The following TMEM8B variants were observed in gnomAD, a reference collection of about 807,000 sequenced individuals.
The protein encoded by TMEM8B is transmembrane protein 8B.
TMEM8B carries 29 observed loss-of-function variants against 49.3 expected under a neutral mutation model. The ratio of observed to expected loss-of-function variants is 0.59; its 90% CI spans 0.44 to 0.80. TMEM8B has a LOEUF of 0.80. Among genes scored for constraint, TMEM8B ranks in the 30% least tolerant of loss-of-function variants. TMEM8B has a pLI of 0.00. For synonymous variants in TMEM8B, 264 were observed against 272.8 expected, an observed-to-expected ratio of 0.97 and a Z score of 0.32; for missense variants, 575 against 658.5, an observed-to-expected ratio of 0.87 and a Z score of 1.39.
In TMEM8B at chr9:35,836,978, C is replaced by T. The variant is rs192002936; in HGVS notation, c.906+1760C>T. On this transcript the variant is annotated intron_variant, in intron 3 of 12. Transcript: ENST00000643932. Reference sequence around the variant, plus strand: ...ATTAACTTCTGTAGTCTTATATGGTCCTCAAAGGGTTCTTCAGCTCTCCAG... The same window carrying T: ...ATTAACTTCTGTAGTCTTATATGGTTCTCAAAGGGTTCTTCAGCTCTCCAG... 5.9e-5 allele frequency among the ~76,000 whole-genome samples: 9 copies of T among 152,250 alleles called. 1 individual carries two copies. In the East Asian group the frequency reaches 1.7e-3, roughly 29 times the overall value.
intron 3 of TMEM8B, among the ~76,000 whole-genome samples, chr9:35,837,110 C>A (rs1464601127): frequency 2.0e-5 from 3 of 152,112 alleles, no homozygotes; most frequent in Non-Finnish European, 4.4e-5. Context: ...TCCTGTAAGG[C>A]TTGAACACAG....
chr9:35,842,356 C>T lies in TMEM8B; in HGVS notation c.1310-36C>T. ...ATGAGTAAGTTCAGGACTGTAAAGG[C>T]TGCAGGCCCAAGCTCTGGTTTCCTC... On this transcript the variant is annotated intron_variant, in intron 5 of 12. Transcript: ENST00000643932. This position sits in a 1 kb window ranked among gnomAD's most constrained non-coding sequence, Gnocchi z 5.6. The T allele has an allele frequency of 2.1e-6, 3 of 1,443,882 alleles. No individual in the cohort carries two copies. The highest frequency in any genetic ancestry group is 2.8e-6 in the Non-Finnish European group (3 of 1,084,876). 89.4% of individuals were successfully genotyped at this position (1,443,882 alleles called of 1,614,324 possible). A position where few individuals can be genotyped will look rare whatever the true frequency, so the allele number is the denominator to read the frequency against.
Position 35,829,595 on chromosome 9 carries a change from C to T in TMEM8B, c.148C>T (p.Pro50Ser), listed in dbSNP as rs1003029377. 2 of 387,136 alleles carry T rather than the reference C, an allele frequency of 5.2e-6. No homozygotes were observed. Among genetic ancestry groups the T allele is most frequent in the Non-Finnish European group, 9.1e-6 (2 of 219,850 alleles). The allele number at this position is 387,136 out of a possible 1,614,324, so 24.0% of individuals were successfully genotyped here. ...CTTCCAGTCTCTGCCCCTGGCCTGG[C>T]CCCCATCCCGGCCTCGGCCCTCGTT... The part of the protein sequence containing the change: ...TPFQSLPLAW[P>S]PSRPRPSFHP... The change falls in exon 1 of 13, where the codon CCC (proline) becomes TCC (serine). Residue 50 changes from proline to serine, a missense_variant. Coordinates refer to ENST00000643932, the MANE Select transcript of TMEM8B (RefSeq NM_001042590.4).
chr9:35,848,683 T>C (rs531072353), intron 10 of TMEM8B, among the ~76,000 whole-genome samples: 2 of 150,194 alleles, frequency 1.3e-5, no homozygotes, highest in East Asian at 1.9e-4. Flanking sequence ...TTCTTTTTTT[T>C]TTTTTTTTTG....
intron 1 of TMEM8B, among the ~76,000 whole-genome samples, chr9:35,830,896 C>G (rs1327781198): frequency 6.6e-6 from 1 of 152,078 alleles, no homozygotes; most frequent in Non-Finnish European, 1.5e-5. Context: ...GTGTCCTGGT[C>G]TAGGGGATGT....
intron 10 of TMEM8B, among the ~76,000 whole-genome samples, chr9:35,851,934 G>A (rs1469701420): frequency 2.0e-5 from 3 of 151,932 alleles, no homozygotes; most frequent in African/African-American, 7.3e-5. Flanking sequence ...TTTGGAATAT[G>A]TTTTCCAGAT....
In TMEM8B at chr9:35,862,839, A is replaced by T. The variant is rs940323198; in HGVS notation, c.*8999A>T. The T allele has an allele frequency of 2.6e-5, 4 of 151,852 alleles. No individual in the cohort carries two copies. The highest frequency in any genetic ancestry group is 2.6e-4 in the Admixed American group (4 of 15,266). 9.4% of individuals were successfully genotyped at this position (151,852 alleles called of 1,614,324 possible). A position where few individuals can be genotyped will look rare whatever the true frequency, so the allele number is the denominator to read the frequency against. On this transcript the variant is annotated 3_prime_UTR_variant, in exon 13 of 13. Transcript: ENST00000643932. The stretch of plus-strand genomic sequence containing the variant: ...GTTCATTCTGCCTTCATTATAGTTC[A>T]TTTTTCTTGTATATCTCTCTCTGAC...
At chr9:35,831,447 A>G (rs1258085862) in intron 1 of TMEM8B, among the ~76,000 whole-genome samples, 1 of 152,196 alleles carries the variant, frequency 6.6e-6, no homozygotes, top group African/African-American at 2.4e-5. Flanking sequence ...TCCCATAACG[A>G]ATATAAGTTA....
rs184596888 is a variant in TMEM8B, at chr9:35,845,890, G to C, written c.1636-85G>C. 1.8e-3 allele frequency: 2,932 copies of C among 1,606,524 alleles called. 80 individuals carry two copies. In the Admixed American group the frequency reaches 0.042, roughly 23 times the overall value. On this transcript the variant is annotated intron_variant, in intron 6 of 12. Transcript: ENST00000643932. The stretch of plus-strand genomic sequence containing the variant: ...GGAATGGGCTGTCCTTGGAAGGTGT[G>C]GGTTAACAGGGGTGGGAGTCTGAGG...
At chr9:35,838,306 A>G (rs1830638294) in intron 3 of TMEM8B, among the ~76,000 whole-genome samples, 1 of 152,102 alleles carries the variant, frequency 6.6e-6, no homozygotes, top group South Asian at 2.1e-4. Context: ...GCTGTTAACT[A>G]GTCCCCTATA....
Position 35,857,037 on chromosome 9 carries a change from G to A in TMEM8B, c.*3197G>A, listed in dbSNP as rs1301971389. 1.3e-5 allele frequency: 2 copies of A among 152,288 alleles called. No homozygotes were observed. Among genetic ancestry groups the A allele is most frequent in the African/African-American group, 2.4e-5 (1 of 41,474 alleles). 9.4% of individuals were successfully genotyped at this position (152,288 alleles called of 1,614,324 possible). On this transcript the variant is annotated 3_prime_UTR_variant, in exon 13 of 13. Transcript: ENST00000643932. ...ACAGCCCTTCCTTGCCTTGAATACA[G>A]GGCTGTGGCTGGCAGATATTGCTGT...
At chr9:35,834,343 G>T in intron 1 of TMEM8B, 118 bp from the exon 2 acceptor site, 2 of 399,046 alleles carry the variant, frequency 5.0e-6, no homozygotes, top group Non-Finnish European at 8.9e-6. Context: ...CCAGTTCCTG[G>T]CTCAGAGGAG....
chr9:35,837,627 A>T (rs189559022), intron 3 of TMEM8B, among the ~76,000 whole-genome samples: 2 of 152,248 alleles, frequency 1.3e-5, no homozygotes, highest in East Asian at 3.9e-4. Flanking sequence ...GAAGTGACTT[A>T]CCTGGTCCGG....
intron 10 of TMEM8B, among the ~76,000 whole-genome samples, chr9:35,849,003 A>C (rs908880919): frequency 6.6e-6 from 1 of 152,164 alleles, no homozygotes; most frequent in African/African-American, 2.4e-5. Flanking sequence ...ATAAGGCAAT[A>C]AGGAAAAGCT....
At chr9:35,834,031 T>TACACACACACACACACACAC (rs377460934) in intron 1 of TMEM8B, among the ~76,000 whole-genome samples, 3 of 138,322 alleles carry the variant, frequency 2.2e-5, no homozygotes, top group Non-Finnish European at 3.1e-5. Context: ...CATGCCAAAA[T>TACACACACACACACACACAC]ACACACACAC....
In TMEM8B at chr9:35,846,838, C is replaced by A. The variant is rs770770427; in HGVS notation, c.2018C>A (p.Thr673Asn). 8.1e-6 allele frequency: 13 copies of A among 1,613,782 alleles called. No individual in the cohort carries two copies. Among genetic ancestry groups the A allele is most frequent in the Non-Finnish European group, 1.1e-5 (13 of 1,179,898 alleles). Residue 673 changes from threonine to asparagine, a missense_variant, in exon 10 of 13, where the codon ACC becomes AAC. Coordinates refer to ENST00000643932, the MANE Select transcript of TMEM8B (RefSeq NM_001042590.4). Reference sequence around the variant, plus strand: ...GCAGGGTGGAGAGGCTGGGGCTGCACCGACAGTGCAGATGCGCTCACCTAT... The same window carrying A: ...GCAGGGTGGAGAGGCTGGGGCTGCAACGACAGTGCAGATGCGCTCACCTAT... The part of the protein sequence containing the change: ...CKAGWRGWGC[T>N]DSADALTYGF...
At chr9:35,843,444 C>G (rs1831216499) in intron 6 of TMEM8B, among the ~76,000 whole-genome samples, 1 of 152,194 alleles carries the variant, frequency 6.6e-6, no homozygotes, top group Non-Finnish European at 1.5e-5. Flanking sequence ...GATCTCTCCC[C>G]TTCCTTCACT....
chr9:35,842,363 C>T lies in TMEM8B; in HGVS notation c.1310-29C>T. ...AGTTCAGGACTGTAAAGGCTGCAGGCCCAAGCTCTGGTTTCCTCTGCCCCA... is the reference window on the plus strand; with the variant it reads ...AGTTCAGGACTGTAAAGGCTGCAGGTCCAAGCTCTGGTTTCCTCTGCCCCA... On this transcript the variant is annotated intron_variant, in intron 5 of 12. Coordinates refer to ENST00000643932, the MANE Select transcript of TMEM8B (RefSeq NM_001042590.4). The surrounding 1 kb of genome is among the most constrained non-coding windows in gnomAD (Gnocchi z 5.6). 2 of 1,467,838 alleles carry T rather than the reference C, an allele frequency of 1.4e-6. No homozygotes were observed. The highest frequency in any genetic ancestry group is 2.4e-5 in the East Asian group (1 of 41,924). The allele number at this position is 1,467,838 out of a possible 1,614,324, so 90.9% of individuals were successfully genotyped here.
intron 10 of TMEM8B, among the ~76,000 whole-genome samples, chr9:35,851,694 C>T (rs570078398): frequency 2.0e-5 from 3 of 152,294 alleles, no homozygotes; most frequent in South Asian, 4.1e-4. Flanking sequence ...AAGCTTGAGT[C>T]TTGCAGCTTA....
Sources: gnomAD v4.1 joint callset for allele counts (sites outside exome capture counted in the v4.1 genomes callset) on GRCh38, gnomAD v4.1.1 for gene constraint, Gnocchi (gnomAD v3.1) non-coding constraint, MANE v1.5 for transcripts, NCBI Gene and HGNC (gene_info 2026-07-23, HGNC 2026-07-21) for gene names.